DAB1: variants seen among roughly 807,000 people sequenced by gnomAD.
DAB1 encodes the protein disabled homolog 1.
In DAB1, 15 loss-of-function variants were observed where a neutral mutation model predicts 64.6. That is an observed-to-expected ratio of 0.23 (90% CI 0.16 to 0.36). The LOEUF (loss-of-function observed/expected upper bound fraction) is 0.36. Ranked by LOEUF, DAB1 falls within the 10% of genes least tolerant of loss-of-function variation. DAB1 has a pLI of 1.00. For synonymous variants in DAB1, 235 were observed against 251.9 expected, an observed-to-expected ratio of 0.93 and a Z score of 0.64; for missense variants, 596 against 706.7, an observed-to-expected ratio of 0.84 and a Z score of 1.78.
At chr1:58,151,450 G>A (rs1313321302) in intron 4 of DAB1, among the ~76,000 whole-genome samples, 5 of 152,142 alleles carry the variant, frequency 3.3e-5, no homozygotes, top group Non-Finnish European at 7.4e-5. Flanking sequence ...CCAGTGATGA[G>A]AGCATTTTTT....
intron 5 of DAB1, among the ~76,000 whole-genome samples, chr1:57,951,334 T>TATATATATATATATATATATATATATATC (rs1219655257): frequency 0.013 from 806 of 63,586 alleles, 125 homozygotes; most frequent in African/African-American, 0.015. Flanking sequence ...ATATATATAC[T>TATATATATATATATATATATATATATATC]TCCCTGGAAA....
intron 2 of DAB1, among the ~76,000 whole-genome samples, chr1:57,250,962 A>G (rs562355589): frequency 6.6e-6 from 1 of 152,336 alleles, no homozygotes; most frequent in East Asian, 1.9e-4. Context: ...TCTTCTTACT[A>G]TCTCAGAGTT....
At chr1:57,528,661 C>CACGT (rs1558464225) in intron 7 of DAB1, among the ~76,000 whole-genome samples, 5 of 150,050 alleles carry the variant, frequency 3.3e-5, no homozygotes, top group Non-Finnish European at 7.4e-5. Flanking sequence ...CACACACACA[C>CACGT]ACACACACAC....
chr1:58,033,621 T>C (rs1225231343), intron 5 of DAB1, among the ~76,000 whole-genome samples: 1 of 152,214 alleles, frequency 6.6e-6, no homozygotes, highest in Admixed American at 6.5e-5. Flanking sequence ...TCTGACTTCT[T>C]CAAAGGTAGT....
At chr1:57,152,712 TAGTTAATATATTTA>T (rs1659809089) in intron 2 of DAB1, among the ~76,000 whole-genome samples, 1 of 152,238 alleles carries the variant, frequency 6.6e-6, no homozygotes, top group Non-Finnish European at 1.5e-5. Context: ...TATTTATGAA[TAGTTAATATATTTA>T]TAACTAATTT....
intron 7 of DAB1, among the ~76,000 whole-genome samples, chr1:57,517,256 AG>A (rs1270222993): frequency 1.3e-5 from 2 of 152,012 alleles, no homozygotes; most frequent in African/African-American, 4.8e-5. Context: ...CAGACTCCTG[AG>A]CTCAAACAAT....
Position 57,190,671 on chromosome 1 carries a change from A to G in DAB1, c.68-45242T>C, listed in dbSNP as rs538599321. Among the ~76,000 whole-genome samples, 3 of 152,126 alleles carry G rather than the reference A, an allele frequency of 2.0e-5. No individual in the cohort carries two copies. The East Asian group carries it at 5.8e-4, about 29-fold the overall frequency. ...CCACACGTCTTTATTGCCCACATCAAATGCATCTAAGATGAAATGCACAGA... is the reference window on the plus strand; with the variant it reads ...CCACACGTCTTTATTGCCCACATCAGATGCATCTAAGATGAAATGCACAGA... On this transcript the variant is annotated intron_variant, in intron 2 of 14. Transcript: ENST00000371236.
chr1:58,491,194 C>A (rs61781784), intron 3 of DAB1, among the ~76,000 whole-genome samples: 17,404 of 151,970 alleles, frequency 0.11, 1,183 homozygotes, highest in African/African-American at 0.18. Context: ...AAATAAAATA[C>A]TTTACAGACA....
intron 1 of DAB1, among the ~76,000 whole-genome samples, chr1:57,856,021 T>C (rs971169252): frequency 3.9e-5 from 6 of 152,074 alleles, no homozygotes; most frequent in South Asian, 4.1e-4. Context: ...GTCAGATAAA[T>C]ATACGATGTG....
chr1:57,190,218 T>C (rs1197003214), intron 2 of DAB1, among the ~76,000 whole-genome samples: 1 of 152,150 alleles, frequency 6.6e-6, no homozygotes, highest in Non-Finnish European at 1.5e-5. Context: ...CACGTAAGGC[T>C]GTTCTGCTGG....
At chr1:57,315,724 G>C (rs1298232286) in intron 1 of DAB1, among the ~76,000 whole-genome samples, 1 of 152,098 alleles carries the variant, frequency 6.6e-6, no homozygotes, top group African/African-American at 2.4e-5. Context: ...GGATGGTCTC[G>C]ATCTCCTGAC....
At chr1:57,675,934 G>A (rs967961987) in intron 6 of DAB1, among the ~76,000 whole-genome samples, 10 of 152,174 alleles carry the variant, frequency 6.6e-5, no homozygotes, top group African/African-American at 2.4e-4. Context: ...GGAAGGGACA[G>A]ACAGCTAAGC....
chr1:57,195,446 T>G (rs1295758488), intron 2 of DAB1, among the ~76,000 whole-genome samples: 1 of 152,232 alleles, frequency 6.6e-6, no homozygotes, highest in Non-Finnish European at 1.5e-5. Context: ...AAATACACTC[T>G]CTTATTTATT....
intron 3 of DAB1, among the ~76,000 whole-genome samples, chr1:58,420,236 T>G (rs1266462452): frequency 6.6e-6 from 1 of 152,214 alleles, no homozygotes; most frequent in East Asian, 1.9e-4. Context: ...CCTTTCTTGC[T>G]AGGTTCTTTC....
chr1:57,370,717 T>C (rs1359334211), intron 1 of DAB1, among the ~76,000 whole-genome samples: 1 of 152,160 alleles, frequency 6.6e-6, no homozygotes, highest in East Asian at 1.9e-4. Flanking sequence ...AAATTTAGCA[T>C]AGTTTTTTAT....
intron 4 of DAB1, among the ~76,000 whole-genome samples, chr1:57,105,611 T>C (rs1655073898): frequency 6.6e-6 from 1 of 152,176 alleles, no homozygotes; most frequent in Non-Finnish European, 1.5e-5. Context: ...ATACCCCACT[T>C]TTTTCCCTTC....
At chr1:57,668,498 G>A (rs1054669787) in intron 6 of DAB1, among the ~76,000 whole-genome samples, 1 of 152,052 alleles carries the variant, frequency 6.6e-6, no homozygotes, top group African/African-American at 2.4e-5. Context: ...GCATAATTTC[G>A]AAATGTGTTT....
chr1:58,065,962 T>C (rs57920068), intron 5 of DAB1, among the ~76,000 whole-genome samples: 21,703 of 152,058 alleles, frequency 0.14, 1,718 homozygotes, highest in East Asian at 0.31. Context: ...CCAGGGAAGG[T>C]TAGCAAGTGC....
At chr1:58,361,398 C>G (rs1351823811) in intron 3 of DAB1, among the ~76,000 whole-genome samples, 2 of 152,214 alleles carry the variant, frequency 1.3e-5, no homozygotes, top group African/African-American at 4.8e-5. Context: ...TCCATAAACC[C>G]CCACTATCAT....
Sources: allele counts gnomAD v4.1 joint callset (sites outside exome capture counted in the v4.1 genomes callset), GRCh38; gene constraint gnomAD v4.1.1; transcripts MANE v1.5; gene names NCBI Gene and HGNC (gene_info 2026-07-23, HGNC 2026-07-21).